PNPLA1: variants seen among roughly 807,000 people sequenced by gnomAD.
The protein encoded by PNPLA1 is omega-hydroxyceramide transacylase.
Under a neutral mutation model 51.7 loss-of-function variants are expected in PNPLA1, and 36 were observed. The observed-to-expected ratio is 0.70, with a 90% confidence interval of 0.53 to 0.92. The LOEUF is 0.92. Ranked by LOEUF, PNPLA1 falls within the 40% of genes least tolerant of loss-of-function variation. The pLI, the probability that PNPLA1 is intolerant of heterozygous loss-of-function variation, is 0.00. For synonymous variants in PNPLA1, 293 were observed against 280.1 expected, an observed-to-expected ratio of 1.05 and a Z score of -0.46; for missense variants, 658 against 682.5, an observed-to-expected ratio of 0.96 and a Z score of 0.40.
rs146577333 is a variant in PNPLA1 at position 36,301,946 on chromosome 6, T to C, written c.861T>C (p.Asn287=). 34 of 1,614,184 alleles carry C rather than the reference T, an allele frequency of 2.1e-5. No homozygotes were observed. The highest frequency in any genetic ancestry group is 3.3e-4 in the Middle Eastern group (2 of 6,062). ...GCCAGATAGAACTCGCCCTTGGCAA[T>C]GAGTGCCCTGAACGCAGTCAACCAA... ...VYCQIELALG[N]ECPERSQPSL... is the part of the protein sequence containing the mutation. The change falls in exon 6 of 9, where the codon AAT becomes AAC. Residue 287 remains asparagine, a synonymous_variant. Transcript: ENST00000636260.
chr6:36,301,449 C>G (rs538303230), intron 5 of PNPLA1, among the ~76,000 whole-genome samples: 1 of 152,112 alleles, frequency 6.6e-6, no homozygotes, highest in Non-Finnish European at 1.5e-5. Context: ...TTCAGGCCCC[C>G]GACCACCTGG....
At chr6:36,300,513 C>A (rs1037848075) in intron 5 of PNPLA1, among the ~76,000 whole-genome samples, 43 of 152,208 alleles carry the variant, frequency 2.8e-4, no homozygotes, top group African/African-American at 1.0e-3. Flanking sequence ...AGTTGACTAT[C>A]GGTCAGGTAT....
At chr6:36,299,705 T>A (rs1382154908) in intron 5 of PNPLA1, among the ~76,000 whole-genome samples, 1 of 152,198 alleles carries the variant, frequency 6.6e-6, no homozygotes, top group Non-Finnish European at 1.5e-5. Flanking sequence ...TGTCGGTAAC[T>A]TATTGTGGTT....
chr6:36,301,114 G>GCCCCCCCCCCCC (rs71540149), intron 5 of PNPLA1, among the ~76,000 whole-genome samples: 2 of 99,922 alleles, frequency 2.0e-5, no homozygotes, highest in Admixed American at 1.0e-4. Flanking sequence ...CCATCCCCCC[G>GCCCCCCCCCCCC]CCCCCCCACC....
At chr6:36,253,049 A>G (rs532266696) in intron 1 of PNPLA1, among the ~76,000 whole-genome samples, 1 of 152,128 alleles carries the variant, frequency 6.6e-6, no homozygotes, top group Non-Finnish European at 1.5e-5. Context: ...GCGTGGTGGC[A>G]TGCACCTGTA....
intron 1 of PNPLA1, among the ~76,000 whole-genome samples, chr6:36,250,770 C>A (rs187707626): frequency 1.6e-4 from 25 of 152,278 alleles, no homozygotes; most frequent in African/African-American, 5.5e-4. Context: ...GTGGCGTGAT[C>A]CTGGCTCACT....
intron 1 of PNPLA1, among the ~76,000 whole-genome samples, chr6:36,264,835 C>T (rs1479290885): frequency 6.6e-6 from 1 of 152,198 alleles, no homozygotes; most frequent in Non-Finnish European, 1.5e-5. Flanking sequence ...ATAACAACAG[C>T]TCAGGAAGCC....
intron 1 of PNPLA1, among the ~76,000 whole-genome samples, chr6:36,258,784 C>A (rs1769585622): frequency 6.6e-6 from 1 of 152,178 alleles, no homozygotes. Flanking sequence ...AAGAAAGGGA[C>A]CAGAATCCAA....
chr6:36,294,383 T>C lies in PNPLA1; in HGVS notation c.698T>C (p.Phe233Ser). The change falls in exon 4 of 9, where the codon TTC becomes TCC. Residue 233 changes from phenylalanine to serine, a missense_variant. Physicochemically the swap from Phe to Ser is radical, Grantham distance 155. Coordinates refer to ENST00000636260, the MANE Select transcript of PNPLA1 (RefSeq NM_001374623.1). The surrounding 1 kb of genome is among the most constrained non-coding windows in gnomAD (Gnocchi z 4.2). ...ENIARMTHAL[F>S]PPDLVILHDY... The stretch of plus-strand genomic sequence containing the variant: ...ATCGCCAGGATGACCCACGCATTGT[T>C]CCCCCCGGACCTGGTGGTGAGAGGC... The C allele has an allele frequency of 6.2e-7, 1 of 1,613,762 alleles. No individual in the cohort carries two copies. The highest frequency in any genetic ancestry group is 2.2e-5 in the East Asian group (1 of 44,854).
chr6:36,282,088 AGAAGGAAGGAAGGAAG>A lies in PNPLA1; in HGVS notation c.206-9196_206-9181del, dbSNP rs70975141. On this transcript the variant is annotated intron_variant, in intron 1 of 8. Coordinates refer to ENST00000636260, the MANE Select transcript of PNPLA1 (RefSeq NM_001374623.1). ...AAGAAAGAAAGAAAGAAAGAAAGAAAGAAGGAAGGAAGGAAGGAAGGAAGGAAGGAAGGAAGGAAGG... is the reference window on the plus strand; with the variant it reads ...AAGAAAGAAAGAAAGAAAGAAAGAAAGAAGGAAGGAAGGAAGGAAGGAAGG... 2.8e-4 allele frequency among the ~76,000 whole-genome samples: 28 copies of A among 98,848 alleles called. 2 individuals carry two copies. Among genetic ancestry groups the A allele is most frequent in the East Asian group, 1.2e-3 (4 of 3,344 alleles). The allele number at this position is 98,848 out of a possible 152,430, so 64.8% of individuals were successfully genotyped here.
chr6:36,298,303 C>T (rs1055096675), intron 5 of PNPLA1, among the ~76,000 whole-genome samples: 1 of 152,160 alleles, frequency 6.6e-6, no homozygotes, highest in Non-Finnish European at 1.5e-5. Context: ...GCTATGAACA[C>T]TCACGCATGA....
chr6:36,291,317 C>T lies in PNPLA1; in HGVS notation c.206-3C>T, dbSNP rs769020193. On this transcript the variant is annotated splice_region_variant and splice_polypyrimidine_tract_variant and intron_variant, in intron 1 of 8. Transcript: ENST00000636260. ...CACCCCCTCTTCTCTGCTTCCTTTG[C>T]AGATGAGTATCTCAGAGTCCTCAAC... 1.2e-6 allele frequency: 2 copies of T among 1,613,044 alleles called. No homozygotes were observed. Among genetic ancestry groups the T allele is most frequent in the South Asian group, 2.2e-5 (2 of 90,954 alleles).
chr6:36,259,964 C>G (rs1166118508), intron 1 of PNPLA1, among the ~76,000 whole-genome samples: 1 of 151,894 alleles, frequency 6.6e-6, no homozygotes, highest in African/African-American at 2.4e-5. Flanking sequence ...ATATGTACTA[C>G]CTAAATCTAA....
rs1474925283 is a variant in PNPLA1 at position 36,262,513 on chromosome 6, TA to T, written c.-81+19254del. 2.0e-5 allele frequency among the ~76,000 whole-genome samples: 3 copies of T among 152,224 alleles called. No homozygotes were observed. In the East Asian group the frequency reaches 5.8e-4, roughly 29 times the overall value. Reference sequence around the variant, plus strand: ...CACAGTAATTCTTCTTTGTTTACTGTAATGGAAGTAACAATGAAAACAACAC... The same window carrying T: ...CACAGTAATTCTTCTTTGTTTACTGTATGGAAGTAACAATGAAAACAACAC... On this transcript the variant is annotated intron_variant, in intron 1 of 7. Coordinates refer to the PNPLA1 transcript ENST00000312917.
intron 1 of PNPLA1, among the ~76,000 whole-genome samples, chr6:36,258,480 C>G (rs569540489): frequency 1.3e-5 from 2 of 152,188 alleles, no homozygotes; most frequent in Non-Finnish European, 1.5e-5. Context: ...ATATCCATGC[C>G]TTTTGATCAC....
At chr6:36,271,721 G>T (rs1769921906) in intron 1 of PNPLA1, among the ~76,000 whole-genome samples, 1 of 152,226 alleles carries the variant, frequency 6.6e-6, no homozygotes, top group African/African-American at 2.4e-5. Context: ...CAGCCACGAA[G>T]CCTGCGGTGT....
chr6:36,251,482 A>G (rs1033594822), intron 1 of PNPLA1, among the ~76,000 whole-genome samples: 4 of 152,212 alleles, frequency 2.6e-5, no homozygotes, highest in African/African-American at 7.2e-5. Flanking sequence ...TTAACCAGTA[A>G]GATGTGAGCA....
intron 1 of PNPLA1, among the ~76,000 whole-genome samples, chr6:36,279,047 C>T (rs1187712534): frequency 6.6e-6 from 1 of 152,184 alleles, no homozygotes; most frequent in Non-Finnish European, 1.5e-5. Context: ...GAGAGAGCCA[C>T]GTGCACTGAG....
chr6:36,294,435 GT>G lies in PNPLA1; in HGVS notation c.714+37del, dbSNP rs60124714. On this transcript the variant is annotated intron_variant, in intron 4 of 8. Transcript: ENST00000636260. This position sits in a 1 kb window ranked among gnomAD's most constrained non-coding sequence, Gnocchi z 4.2. ...GGAGGGGTCTGGGGAGTAGCAGAAGGTACCAGGGACTAGGGGTGGGGTTAGA... is the reference window on the plus strand; with the variant it reads ...GGAGGGGTCTGGGGAGTAGCAGAAGGACCAGGGACTAGGGGTGGGGTTAGA... 1.8e-3 allele frequency: 2,825 copies of G among 1,591,584 alleles called. 40 individuals carry two copies. The African/African-American group carries it at 0.032, about 18-fold the overall frequency.
Sources: gnomAD v4.1 joint callset for allele counts (sites outside exome capture counted in the v4.1 genomes callset) on GRCh38, gnomAD v4.1.1 for gene constraint, Gnocchi (gnomAD v3.1) non-coding constraint, MANE v1.5 for transcripts, NCBI Gene and HGNC (gene_info 2026-07-23, HGNC 2026-07-21) for gene names.